The following RYR3 variants were observed in gnomAD, a reference collection of about 807,000 sequenced individuals.
The protein encoded by RYR3 is brain ryanodine receptor-calcium release channel.
In RYR3, 207 loss-of-function variants were observed where a neutral mutation model predicts 584.3. The observed-to-expected ratio is 0.35, with a 90% CI of 0.32 to 0.40. RYR3 has a LOEUF of 0.40. Among genes scored for constraint, RYR3 ranks in the 10% least tolerant of loss-of-function variants. The pLI, the probability that RYR3 is intolerant of heterozygous loss-of-function variation, is 1.00. For synonymous variants in RYR3, 2,416 were observed against 2,248.5 expected, an observed-to-expected ratio of 1.07 and a Z score of -2.11; for missense variants, 5,616 against 6,089.2, an observed-to-expected ratio of 0.92 and a Z score of 2.59.
At chr15:33,821,678 G>A in intron 80 of RYR3, 76 bp downstream of exon 80, 1 of 1,429,320 alleles carries the variant, frequency 7.0e-7, no homozygotes, top group South Asian at 1.2e-5. Flanking sequence ...CAGGGAAGAG[G>A]AGTTGACTGC....
intron 1 of RYR3, among the ~76,000 whole-genome samples, chr15:33,414,868 C>G (rs536151726): frequency 2.2e-4 from 34 of 152,338 alleles, no homozygotes; most frequent in African/African-American, 7.9e-4. Context: ...GCTGGGATTA[C>G]AGGCGTGAGC....
chr15:33,668,299 A>C (rs1304865536), intron 36 of RYR3, among the ~76,000 whole-genome samples: 1 of 152,172 alleles, frequency 6.6e-6, no homozygotes, highest in South Asian at 2.1e-4. Context: ...CCTGGGCAAC[A>C]GAGCGAGACT....
Position 33,837,892 on chromosome 15 carries a change from A to C in RYR3, c.11912A>C (p.Asn3971Thr). 6.2e-7 allele frequency: 1 copy of C among 1,614,030 alleles called. No homozygotes were observed. Among genetic ancestry groups the C allele is most frequent in the Non-Finnish European group, 8.5e-7 (1 of 1,179,886 alleles). ...FLLSCAEADE[N>T]DMFNYVDFVD... ...CTGTCGTGTGCAGAAGCTGATGAGA[A>C]TGACATGTTTAATTACGTTGATTTT... Residue 3971 changes from asparagine to threonine, a missense_variant, in exon 89 of 104, where the codon AAT becomes ACT. This residue lies in a region of RYR3 where 258 missense variants were observed against 297.3 expected (regional missense o/e 0.87). Transcript: ENST00000634891.
intron 3 of RYR3, among the ~76,000 whole-genome samples, chr15:33,525,416 T>C (rs796787902): frequency 9.2e-5 from 14 of 152,376 alleles, no homozygotes; most frequent in African/African-American, 3.4e-4. Context: ...AGATTAGTTT[T>C]GTAGCAATTT....
chr15:33,858,687 G>A (rs762989748), intron 99 of RYR3: 1 of 143,596 alleles, frequency 7.0e-6, no homozygotes, highest in South Asian at 2.3e-4. Context: ...GTTGGAGGTG[G>A]GGAGGGGGAG....
At chr15:33,391,556 G>A (rs1450426689) in intron 1 of RYR3, among the ~76,000 whole-genome samples, 1 of 151,566 alleles carries the variant, frequency 6.6e-6, no homozygotes, top group African/African-American at 2.4e-5. Flanking sequence ...AACCTGGGAG[G>A]CAGAACTTGC....
At chr15:33,627,839 G>T (rs1472112044) in intron 20 of RYR3, among the ~76,000 whole-genome samples, 1 of 152,104 alleles carries the variant, frequency 6.6e-6, no homozygotes. Flanking sequence ...AAATAATGAG[G>T]TTGAGTAATG....
chr15:33,788,570 T>G, intron 67 of RYR3, 112 bp downstream of exon 67: 22 of 1,196,916 alleles, frequency 1.8e-5, no homozygotes, highest in Non-Finnish European at 2.5e-5. Flanking sequence ...AAGGAGGCGA[T>G]AGCCGCCCCC....
intron 102 of RYR3, among the ~76,000 whole-genome samples, chr15:33,862,619 TG>T (rs1481419698): frequency 6.6e-6 from 1 of 152,160 alleles, no homozygotes; most frequent in African/African-American, 2.4e-5. Context: ...ACATGAGTTT[TG>T]TTTTTTTATT....
At chr15:33,821,788 G>T (rs1333499521) in intron 80 of RYR3, among the ~76,000 whole-genome samples, 186 bp downstream of exon 80, 1 of 152,126 alleles carries the variant, frequency 6.6e-6, no homozygotes. Flanking sequence ...GAATCTGCAG[G>T]CAAATGTGTC....
At chr15:33,406,834 A>G (rs1191767928) in intron 1 of RYR3, among the ~76,000 whole-genome samples, 3 of 152,236 alleles carry the variant, frequency 2.0e-5, no homozygotes, top group Non-Finnish European at 4.4e-5. Flanking sequence ...GGATAAAGCA[A>G]AGTTCCTACC....
chr15:33,599,776 C>A (rs2059572254), intron 16 of RYR3, among the ~76,000 whole-genome samples: 1 of 152,166 alleles, frequency 6.6e-6, no homozygotes, highest in Non-Finnish European at 1.5e-5. Flanking sequence ...CCCAGTTTTA[C>A]CTGAAGGAGT....
chr15:33,571,446 C>T (rs1227382641), intron 12 of RYR3, among the ~76,000 whole-genome samples: 1 of 152,016 alleles, frequency 6.6e-6, no homozygotes, highest in Non-Finnish European at 1.5e-5. Flanking sequence ...ACTTCAATTC[C>T]ATCAGTTTTT....
At chr15:33,649,023 C>T in intron 30 of RYR3, 49 bp from the exon 31 acceptor site, 1 of 1,553,290 alleles carries the variant, frequency 6.4e-7, no homozygotes, top group South Asian at 1.2e-5. Flanking sequence ...CTATCTTCAA[C>T]TGGATGGGGG....
chr15:33,840,454 A>C (rs2078286315), intron 89 of RYR3: 2 of 238,848 alleles, frequency 8.4e-6, no homozygotes, highest in Non-Finnish European at 8.1e-6. Flanking sequence ...AGACAAGGCA[A>C]GAAGAAGCCT....
chr15:33,808,159 G>A (rs2076304353), intron 70 of RYR3, among the ~76,000 whole-genome samples: 1 of 152,218 alleles, frequency 6.6e-6, no homozygotes. Context: ...GGGAGATGTG[G>A]AGGAACTAGG....
rs192522015 is a variant in RYR3 at position 33,704,843 on chromosome 15, A to G, written c.6484-2076A>G. Among the ~76,000 whole-genome samples, 273 of 152,230 alleles carry G rather than the reference A, an allele frequency of 1.8e-3. 2 individuals are homozygous for G. Among genetic ancestry groups the G allele is most frequent in the Non-Finnish European group, 1.8e-3 (124 of 68,018 alleles). On this transcript the variant is annotated intron_variant, in intron 42 of 103. Coordinates refer to ENST00000634891, the MANE Select transcript of RYR3 (RefSeq NM_001036.6). Reference sequence around the variant, plus strand: ...GAGGGAAGAAATGGGCGCTTTGGGAAATCTGTAAAGGGGATGAGGTTTGCC... The same window carrying G: ...GAGGGAAGAAATGGGCGCTTTGGGAGATCTGTAAAGGGGATGAGGTTTGCC...
chr15:33,661,379 A>G (rs2063152174), intron 34 of RYR3, among the ~76,000 whole-genome samples: 1 of 152,148 alleles, frequency 6.6e-6, no homozygotes, highest in Non-Finnish European at 1.5e-5. Flanking sequence ...AGTGCAGAGT[A>G]TGTTTGTGAA....
chr15:33,393,958 T>G (rs1341667937), intron 1 of RYR3, among the ~76,000 whole-genome samples: 1 of 152,198 alleles, frequency 6.6e-6, no homozygotes, highest in Non-Finnish European at 1.5e-5. Context: ...CATCCCCTTT[T>G]CAAATGAAGA....
Sources: allele counts gnomAD v4.1 joint callset (sites outside exome capture counted in the v4.1 genomes callset), GRCh38; gene constraint gnomAD v4.1.1; regional missense constraint gnomAD v4.1.1; transcripts MANE v1.5; gene names NCBI Gene and HGNC (gene_info 2026-07-23, HGNC 2026-07-21).